MIPOL1: variants seen among roughly 807,000 people sequenced by gnomAD.
MIPOL1 encodes the protein mirror-image polydactyly gene 1 protein.
In MIPOL1, 57 loss-of-function variants were observed where a neutral mutation model predicts 60.9. That is an observed-to-expected ratio of 0.94 (90% CI 0.76 to 1.17). The LOEUF (loss-of-function observed/expected upper bound fraction) is 1.17. Ranked by LOEUF, MIPOL1 falls within the 50% of genes most tolerant of loss-of-function variation. MIPOL1 has a pLI of 0.00. For missense variants in MIPOL1, 551 were observed against 511.6 expected (o/e 1.08, Z -0.74); for synonymous variants, 179 against 168.8 (o/e 1.06, Z -0.47).
intron 12 of MIPOL1, among the ~76,000 whole-genome samples, chr14:37,526,515 G>A (rs1206008969): frequency 7.3e-5 from 11 of 149,908 alleles, no homozygotes; most frequent in African/African-American, 2.0e-4. Context: ...GACTACAGGC[G>A]CCCGCCACCA....
At chr14:37,416,559 T>C (rs989342443) in intron 10 of MIPOL1, among the ~76,000 whole-genome samples, 7 of 152,144 alleles carry the variant, frequency 4.6e-5, no homozygotes, top group African/African-American at 1.4e-4. Flanking sequence ...AAAAGTACAG[T>C]AAAAATATAG....
intron 12 of MIPOL1, chr14:37,504,881 G>C (rs186069067): frequency 2.0e-5 from 3 of 151,870 alleles, no homozygotes; most frequent in African/African-American, 7.3e-5. Flanking sequence ...AGAAGAGAGA[G>C]AAGAATCAAA....
At chr14:37,256,232 C>G (rs1051797986) in intron 3 of MIPOL1, among the ~76,000 whole-genome samples, 1 of 151,726 alleles carries the variant, frequency 6.6e-6, no homozygotes, top group Non-Finnish European at 1.5e-5. Context: ...TAATCCCTAG[C>G]AGATTAGGGT....
At chr14:37,449,598 G>A (rs149012285) in intron 11 of MIPOL1, among the ~76,000 whole-genome samples, 111 of 152,166 alleles carry the variant, frequency 7.3e-4, no homozygotes, top group African/African-American at 2.5e-3. Flanking sequence ...CTAAAATTAT[G>A]GCTCCTATCC....
intron 4 of MIPOL1, among the ~76,000 whole-genome samples, chr14:37,268,417 T>C (rs2083040056): frequency 6.6e-6 from 1 of 152,130 alleles, no homozygotes; most frequent in Non-Finnish European, 1.5e-5. Context: ...ACAGGAGATG[T>C]ACGTGGTAAA....
intron 7 of MIPOL1, among the ~76,000 whole-genome samples, chr14:37,296,037 A>T (rs749124065): frequency 1.3e-5 from 2 of 152,152 alleles, no homozygotes; most frequent in South Asian, 2.1e-4. Flanking sequence ...ATTCCAAAAT[A>T]GACCACATAG....
chr14:37,257,095 T>G (rs149484141), intron 3 of MIPOL1, among the ~76,000 whole-genome samples: 4 of 137,708 alleles, frequency 2.9e-5, no homozygotes, highest in African/African-American at 8.0e-5. Flanking sequence ...TGGTTTTGTT[T>G]TGTGTGTGTG....
At chr14:37,285,491 TA>T (rs2084478241) in intron 7 of MIPOL1, 44 bp downstream of exon 7, 6 of 1,587,624 alleles carry the variant, frequency 3.8e-6, no homozygotes, top group Admixed American at 1.7e-5. Flanking sequence ...GGAACACTTA[TA>T]AAAGGCATGC....
Position 37,360,250 on chromosome 14 carries a change from A to G in MIPOL1, c.829-9267A>G, listed in dbSNP as rs112566817. Among the ~76,000 whole-genome samples the G allele has an allele frequency of 2.4e-3, 365 of 152,246 alleles. 3 individuals are homozygous for G. The highest frequency in any genetic ancestry group is 8.1e-3 in the African/African-American group (337 of 41,544). ...TATTTTATTGAGGATATTCGCATCCATATTGATCAGGGATGTTGGTCTAAA... is the reference window on the plus strand; with the variant it reads ...TATTTTATTGAGGATATTCGCATCCGTATTGATCAGGGATGTTGGTCTAAA... On this transcript the variant is annotated intron_variant, in intron 9 of 12. Transcript: ENST00000684589.
At chr14:37,209,529 G>A (rs950846677) in intron 1 of MIPOL1, among the ~76,000 whole-genome samples, 1 of 151,992 alleles carries the variant, frequency 6.6e-6, no homozygotes, top group Non-Finnish European at 1.5e-5. Context: ...GCATGGTGGC[G>A]CTCGCCTGTA....
intron 9 of MIPOL1, among the ~76,000 whole-genome samples, chr14:37,312,718 A>G (rs931680953): frequency 1.3e-5 from 2 of 152,082 alleles, no homozygotes; most frequent in African/African-American, 2.4e-5. Flanking sequence ...AAAGTCTTTC[A>G]TATAATTAAT....
intron 9 of MIPOL1, among the ~76,000 whole-genome samples, chr14:37,365,518 T>C (rs1247407119): frequency 6.6e-6 from 1 of 152,220 alleles, no homozygotes; most frequent in African/African-American, 2.4e-5. Context: ...ATTGATTGAT[T>C]TGCGTATGTT....
At chr14:37,388,451 C>A (rs1389423904) in intron 10 of MIPOL1, among the ~76,000 whole-genome samples, 2 of 150,088 alleles carry the variant, frequency 1.3e-5, no homozygotes, top group African/African-American at 4.9e-5. Flanking sequence ...AAGGACAGGG[C>A]TAACTTCCAG....
At chr14:37,372,414 T>TAGA in intron 10 of MIPOL1, among the ~76,000 whole-genome samples, 1 of 152,212 alleles carries the variant, frequency 6.6e-6, no homozygotes, top group African/African-American at 2.4e-5. Flanking sequence ...AGATTTTTGG[T>TAGA]GATCATTTAT....
intron 1 of MIPOL1, among the ~76,000 whole-genome samples, chr14:37,229,230 C>T (rs1464928640): frequency 6.6e-6 from 1 of 152,122 alleles, no homozygotes; most frequent in African/African-American, 2.4e-5. Flanking sequence ...GATCTCAGCT[C>T]ACTGTAACCT....
chr14:37,446,915 G>T (rs1158628518), intron 11 of MIPOL1, among the ~76,000 whole-genome samples: 1 of 151,702 alleles, frequency 6.6e-6, no homozygotes, highest in African/African-American at 2.4e-5. Context: ...CACACTCTGG[G>T]GACTGTTGTG....
chr14:37,396,583 A>G (rs1339683847), intron 10 of MIPOL1, among the ~76,000 whole-genome samples: 1 of 151,832 alleles, frequency 6.6e-6, no homozygotes, highest in Non-Finnish European at 1.5e-5. Context: ...AAACTTTTAG[A>G]TTTCTCTTCT....
intron 1 of MIPOL1, among the ~76,000 whole-genome samples, chr14:37,238,595 G>A (rs1971847962): frequency 6.6e-6 from 1 of 152,038 alleles, no homozygotes; most frequent in Non-Finnish European, 1.5e-5. Flanking sequence ...CATTTTGCAG[G>A]TAGTAATCAT....
At chr14:37,383,857 C>G (rs1305171518) in intron 10 of MIPOL1, among the ~76,000 whole-genome samples, 1 of 151,688 alleles carries the variant, frequency 6.6e-6, no homozygotes, top group African/African-American at 2.4e-5. Context: ...AATGACATTC[C>G]TTTACTGGCT....
Sources: allele counts gnomAD v4.1 joint callset (sites outside exome capture counted in the v4.1 genomes callset), GRCh38; gene constraint gnomAD v4.1.1; transcripts MANE v1.5; gene names NCBI Gene and HGNC (gene_info 2026-07-23, HGNC 2026-07-21).